Variants in PXDNL observed in about 807,000 individuals in gnomAD.
The protein encoded by PXDNL is probable oxidoreductase PXDNL.
Under a neutral mutation model 150.8 loss-of-function variants are expected in PXDNL, and 145 were observed. The ratio of observed to expected loss-of-function variants is 0.96; its 90% confidence interval spans 0.84 to 1.10. The LOEUF (loss-of-function observed/expected upper bound fraction) is 1.10, where lower values mean the gene tolerates loss of function less well. Among genes scored for constraint, PXDNL ranks in the 50% least tolerant of loss-of-function variants. The probability of loss-of-function intolerance (pLI) is 0.00; values close to 1 mark genes in which losing one functional copy is unlikely to be tolerated. For synonymous variants in PXDNL, 757 were observed against 725.7 expected (o/e 1.04, Z -0.69); for missense variants, 2,087 against 1,873.9 (o/e 1.11, Z -2.10).
intron 2 of PXDNL, among the ~76,000 whole-genome samples, chr8:51,622,089 C>T (rs1400916344): frequency 6.6e-6 from 1 of 152,090 alleles, no homozygotes; most frequent in Non-Finnish European, 1.5e-5. Context: ...AAGTCAGATT[C>T]AAAGCATAAA....
intron 13 of PXDNL, among the ~76,000 whole-genome samples, chr8:51,425,817 G>A (rs949422957): frequency 1.5e-4 from 22 of 150,276 alleles, no homozygotes; most frequent in African/African-American, 4.4e-4. Context: ...GCGAGACTCC[G>A]TCTCAAAAAA....
intron 4 of PXDNL, among the ~76,000 whole-genome samples, chr8:51,550,008 C>G (rs1272714404): frequency 1.3e-5 from 2 of 152,022 alleles, no homozygotes. Flanking sequence ...ATATTAAAAC[C>G]AATACCACAG....
chr8:51,582,880 C>T (rs1191135495), intron 3 of PXDNL, among the ~76,000 whole-genome samples: 1 of 150,348 alleles, frequency 6.7e-6, no homozygotes, highest in Non-Finnish European at 1.5e-5. Flanking sequence ...AGCTTTCACT[C>T]TCAAAAAAAA....
chr8:51,592,523 T>A (rs966334684), intron 3 of PXDNL, 104 bp downstream of exon 3: 2 of 711,546 alleles, frequency 2.8e-6, no homozygotes, highest in East Asian at 5.7e-5. Flanking sequence ...AAACTGCTTT[T>A]CACGAAGGTA....
At chr8:51,530,492 T>G (rs1351565763) in intron 4 of PXDNL, among the ~76,000 whole-genome samples, 1 of 152,162 alleles carries the variant, frequency 6.6e-6, no homozygotes, top group Non-Finnish European at 1.5e-5. Flanking sequence ...ATTGCTCAGC[T>G]GGAAATCCCC....
intron 8 of PXDNL, among the ~76,000 whole-genome samples, chr8:51,471,724 T>C (rs1810339039): frequency 1.3e-5 from 2 of 151,812 alleles, no homozygotes; most frequent in Non-Finnish European, 2.9e-5. Flanking sequence ...TCTTGCTCTG[T>C]TGCCCAGGCT....
At chr8:51,396,911 T>C (rs1439049419) in intron 17 of PXDNL, among the ~76,000 whole-genome samples, 7 of 152,254 alleles carry the variant, frequency 4.6e-5, no homozygotes, top group Non-Finnish European at 8.8e-5. Flanking sequence ...ACTTATATTT[T>C]TAGCCTCTAA....
intron 2 of PXDNL, among the ~76,000 whole-genome samples, chr8:51,612,832 A>G (rs1027877112): frequency 2.0e-5 from 3 of 152,198 alleles, no homozygotes; most frequent in Non-Finnish European, 4.4e-5. Flanking sequence ...TCAGTCTATG[A>G]TATTTTGTTA....
At chr8:51,610,064 A>T (rs2130711376) in intron 2 of PXDNL, among the ~76,000 whole-genome samples, 1 of 152,328 alleles carries the variant, frequency 6.6e-6, no homozygotes, top group Non-Finnish European at 1.5e-5. Flanking sequence ...AGCTCTAGCA[A>T]CCAGGAATAG....
chr8:51,760,717 T>C (rs555547845), intron 1 of PXDNL, among the ~76,000 whole-genome samples: 5 of 152,326 alleles, frequency 3.3e-5, no homozygotes, highest in Admixed American at 1.3e-4. Context: ...TGCGTGCACA[T>C]TGGGATTCCA....
Position 51,409,274 on chromosome 8 carries a change from C to T in PXDNL, c.2350G>A (p.Ala784Thr). Reference protein sequence around the residue: ...RQPLPPPRLVATVWARAAAVT... With the variant: ...RQPLPPPRLVTTVWARAAAVT... The stretch of plus-strand genomic sequence containing the variant: ...GCCGCCGCGCGCGCCCACACTGTGG[C>T]GACCAGCCGGGGCGGCGGGAGGGGC... The change falls in exon 17 of 23, where the codon GCC becomes ACC. Residue 784 changes from alanine (A) to threonine (T), a missense_variant. Coordinates refer to ENST00000356297, the MANE Select transcript of PXDNL (RefSeq NM_144651.5). The T allele has an allele frequency of 1.4e-6, 2 of 1,439,000 alleles. No homozygotes were observed. The highest frequency in any genetic ancestry group is 1.5e-5 in the South Asian group (1 of 68,936). The allele number at this position is 1,439,000 out of a possible 1,614,324, so 89.1% of individuals were successfully genotyped here. A position where few individuals can be genotyped will look rare whatever the true frequency, so the allele number is the denominator to read the frequency against.
intron 12 of PXDNL, among the ~76,000 whole-genome samples, chr8:51,431,355 A>G (rs1489960154): frequency 6.6e-6 from 1 of 152,122 alleles, no homozygotes. Flanking sequence ...CTTGTTTCCA[A>G]GAAACTTATT....
intron 3 of PXDNL, among the ~76,000 whole-genome samples, chr8:51,570,396 A>G (rs909996460): frequency 6.6e-6 from 1 of 151,810 alleles, no homozygotes; most frequent in African/African-American, 2.4e-5. Context: ...TAAGATATTT[A>G]TATCTACCTG....
intron 1 of PXDNL, among the ~76,000 whole-genome samples, chr8:51,679,314 A>G (rs73574281): frequency 0.064 from 9,686 of 152,220 alleles, 963 homozygotes; most frequent in African/African-American, 0.21. Context: ...TTATGACATC[A>G]GGTACTTTGC....
chr8:51,560,584 T>A (rs1812698078), intron 3 of PXDNL, among the ~76,000 whole-genome samples: 3 of 151,908 alleles, frequency 2.0e-5, no homozygotes, highest in African/African-American at 7.2e-5. Context: ...TAAATAGTGT[T>A]GGGAAAACTA....
At chr8:51,446,978 T>A in intron 12 of PXDNL, 26 bp downstream of exon 12, 1 of 1,611,956 alleles carries the variant, frequency 6.2e-7, no homozygotes, top group Non-Finnish European at 8.5e-7. Context: ...CTTCAGAATG[T>A]GAATATGAAT....
At chr8:51,550,602 T>C (rs1435403320) in intron 4 of PXDNL, among the ~76,000 whole-genome samples, 2 of 152,164 alleles carry the variant, frequency 1.3e-5, no homozygotes, top group Non-Finnish European at 2.9e-5. Flanking sequence ...TCTCAGTAGA[T>C]GTAGGAAAAG....
chr8:51,593,101 T>C lies in PXDNL; in HGVS notation c.237-403A>G, dbSNP rs575206130. Among the ~76,000 whole-genome samples, 38 of 152,252 alleles carry C rather than the reference T, an allele frequency of 2.5e-4. No homozygotes were observed. The South Asian group carries it at 5.4e-3, about 22-fold the overall frequency. On this transcript the variant is annotated intron_variant, in intron 2 of 22. Coordinates refer to ENST00000356297, the MANE Select transcript of PXDNL (RefSeq NM_144651.5). ...TCCTTGGAAAAATAAATATCACAGA[T>C]ATTGACACACAGTAGACTTTCATTG...
intron 3 of PXDNL, among the ~76,000 whole-genome samples, chr8:51,591,292 G>A (rs1813437422): frequency 1.3e-5 from 2 of 152,298 alleles, no homozygotes; most frequent in South Asian, 4.1e-4. Context: ...AAGACGGTAT[G>A]TTAGATTTGT....
Sources: allele counts gnomAD v4.1 joint callset (sites outside exome capture counted in the v4.1 genomes callset), GRCh38; gene constraint gnomAD v4.1.1; transcripts MANE v1.5; gene names NCBI Gene and HGNC (gene_info 2026-07-23, HGNC 2026-07-21).